Variants in TULP4 observed in about 807,000 individuals in gnomAD.
TULP4 encodes the protein TUB like protein 4, also known as tubby-related protein 4.
A neutral mutation model predicts 129.0 loss-of-function variants in TULP4; 16 were observed. The observed-to-expected ratio is 0.12, with a 90% confidence interval of 0.08 to 0.19. TULP4 has a LOEUF of 0.19. Among genes scored for constraint, TULP4 ranks in the 10% least tolerant of loss-of-function variants. The pLI is 1.00. For missense variants in TULP4, 1,842 were observed against 2,059.1 expected, an observed-to-expected ratio of 0.89 and a Z score of 2.04; for synonymous variants, 998 against 854.0, an observed-to-expected ratio of 1.17 and a Z score of -2.94.
chr6:158,264,426 AGGT>A (rs1433323216), intron 1 of TULP4, among the ~76,000 whole-genome samples: 3 of 152,228 alleles, frequency 2.0e-5, no homozygotes, highest in African/African-American at 7.2e-5. Context: ...TCAGTCATAA[AGGT>A]GTTTTACCCA....
chr6:158,408,208 G>C (rs73023823), intron 1 of TULP4, among the ~76,000 whole-genome samples: 1 of 152,172 alleles, frequency 6.6e-6, no homozygotes, highest in Admixed American at 6.5e-5. Context: ...GAGCAAGCGG[G>C]AGTGCTTGGA....
intron 1 of TULP4, among the ~76,000 whole-genome samples, chr6:158,336,007 A>G (rs1472286440): frequency 1.3e-5 from 2 of 152,224 alleles, no homozygotes; most frequent in Non-Finnish European, 2.9e-5. Context: ...TTTCTTAGAT[A>G]TTGCCAAACT....
chr6:158,405,674 G>A (rs1182516236), intron 1 of TULP4, among the ~76,000 whole-genome samples: 1 of 152,082 alleles, frequency 6.6e-6, no homozygotes, highest in Non-Finnish European at 1.5e-5. Flanking sequence ...AAGCCACAAG[G>A]GGTTTTTATG....
chr6:158,373,522 A>C (rs1777117028), intron 1 of TULP4, among the ~76,000 whole-genome samples: 1 of 152,202 alleles, frequency 6.6e-6, no homozygotes, highest in Non-Finnish European at 1.5e-5. Context: ...ACCAGAATTG[A>C]AAAACAATTT....
At chr6:158,440,399 C>T (rs569836909) in intron 3 of TULP4, among the ~76,000 whole-genome samples, 2 of 150,924 alleles carry the variant, frequency 1.3e-5, no homozygotes, top group African/African-American at 4.9e-5. Flanking sequence ...GAAACCCTTA[C>T]TGGTGACTGG....
intron 3 of TULP4, among the ~76,000 whole-genome samples, chr6:158,443,480 G>C (rs1427432451): frequency 6.6e-6 from 1 of 152,098 alleles, no homozygotes; most frequent in Non-Finnish European, 1.5e-5. Flanking sequence ...ATTGATATAT[G>C]GGTATGTCTT....
At chr6:158,450,318 C>T (rs1216405303) in intron 4 of TULP4, among the ~76,000 whole-genome samples, 4 of 152,222 alleles carry the variant, frequency 2.6e-5, no homozygotes, top group African/African-American at 4.8e-5. Context: ...CTGTGAAGGG[C>T]TGTTCCGGGG....
At position 158,501,576 on chromosome 6, in the gene TULP4, G is replaced by T. The variant is rs569783435; in HGVS notation, c.2015-102G>T. On this transcript the variant is annotated intron_variant, in intron 12 of 13. Coordinates refer to ENST00000367097, the MANE Select transcript of TULP4 (RefSeq NM_020245.5). ...CTCTGTCTCTGGCAATTTGCATTTT[G>T]TTTACAGAAGGAGACTGGATGAGTC... 213 of 1,216,832 alleles carry T rather than the reference G, an allele frequency of 1.8e-4. No homozygotes were observed. In the African/African-American group the frequency reaches 3.0e-3, roughly 17 times the overall value. The allele number at this position is 1,216,832 out of a possible 1,614,324, so 75.4% of individuals were successfully genotyped here.
At chr6:158,326,576 G>A (rs769016104) in intron 1 of TULP4, among the ~76,000 whole-genome samples, 6 of 152,142 alleles carry the variant, frequency 3.9e-5, no homozygotes, top group African/African-American at 9.7e-5. Flanking sequence ...GTATTTGTAA[G>A]TCATAAAGTA....
chr6:158,491,427 T>TTTGAGGAGTC (rs1562589116), intron 9 of TULP4, among the ~76,000 whole-genome samples: 2 of 25,992 alleles, frequency 7.7e-5, no homozygotes, highest in East Asian at 1.4e-3. Flanking sequence ...CTTTCTTTCT[T>TTTGAGGAGTC]TCTTTCTTTC....
chr6:158,331,722 C>CGTAT (rs1562523116), intron 1 of TULP4, among the ~76,000 whole-genome samples: 1,674 of 36,406 alleles, frequency 0.046, 390 homozygotes, highest in Middle Eastern at 0.17. Flanking sequence ...CACACACACA[C>CGTAT]ACACACATAC....
chr6:158,319,042 A>G (rs1779562474), intron 1 of TULP4, among the ~76,000 whole-genome samples: 1 of 151,874 alleles, frequency 6.6e-6, no homozygotes, highest in Non-Finnish European at 1.5e-5. Context: ...CACTGTGCCC[A>G]GCTCACGATT....
At chr6:158,387,467 A>G (rs1777475461) in intron 1 of TULP4, among the ~76,000 whole-genome samples, 1 of 152,226 alleles carries the variant, frequency 6.6e-6, no homozygotes, top group African/African-American at 2.4e-5. Flanking sequence ...AATAATGCAT[A>G]AACACCTTAT....
At position 158,385,842 on chromosome 6, in the gene TULP4, C is replaced by CTTTTTTTTTTTTTTTTTTTTTTTTTTTTT. The variant is rs778595442; in HGVS notation, c.253-27203_253-27202insTTTTTTTTTTTTTTTTTTTTTTTTTTTTT. 2.5e-4 allele frequency among the ~76,000 whole-genome samples: 15 copies of CTTTTTTTTTTTTTTTTTTTTTTTTTTTTT among 59,586 alleles called. 4 individuals carry two copies. Among genetic ancestry groups the CTTTTTTTTTTTTTTTTTTTTTTTTTTTTT allele is most frequent in the Non-Finnish European group, 3.3e-4 (11 of 32,836 alleles). 39.1% of individuals were successfully genotyped at this position (59,586 alleles called of 152,430 possible). A position where few individuals can be genotyped will look rare whatever the true frequency, so the allele number is the denominator to read the frequency against. The stretch of plus-strand genomic sequence containing the variant: ...GGAAAAGTCTACAAATGTGGAATAT[C>CTTTTTTTTTTTTTTTTTTTTTTTTTTTTT]TTTTTTTTTTTTTTTTTTTTGAGAA... On this transcript the variant is annotated intron_variant, in intron 1 of 13. Transcript: ENST00000367097.
At chr6:158,334,171 C>T (rs531517121) in intron 1 of TULP4, among the ~76,000 whole-genome samples, 1 of 152,274 alleles carries the variant, frequency 6.6e-6, no homozygotes, top group South Asian at 2.1e-4. Flanking sequence ...GAATAACCAC[C>T]ATGAGATCCA....
At position 158,246,023 on chromosome 6, in the gene TULP4, GGTGTGT is replaced by G. The variant is rs66690741; in HGVS notation, n.68+13755_68+13760del. On this transcript the variant is annotated intron_variant and non_coding_transcript_variant, in intron 1 of 1. Coordinates refer to the TULP4 transcript ENST00000620026. ...GTGAGTAATTTGCCTACCCCTTAGG[GGTGTGT>G]GTGTGTGTGTGTGTGTGTGTGTGTG... 6.7e-3 allele frequency among the ~76,000 whole-genome samples: 978 copies of G among 145,904 alleles called. 5 individuals are homozygous for G. The highest frequency in any genetic ancestry group is 8.7e-3 in the Non-Finnish European group (579 of 66,418).
intron 1 of TULP4, among the ~76,000 whole-genome samples, chr6:158,368,578 T>C (rs1776997681): frequency 6.6e-6 from 1 of 152,236 alleles, no homozygotes; most frequent in African/African-American, 2.4e-5. Flanking sequence ...GTTAACTCAG[T>C]TGGTTAAACC....
chr6:158,239,702 A>G (rs1777816814), intron 1 of TULP4, among the ~76,000 whole-genome samples: 1 of 58,844 alleles, frequency 1.7e-5, no homozygotes, highest in South Asian at 7.1e-4. Flanking sequence ...CTCACTTCCC[A>G]GTAGGGGCGG....
chr6:158,460,705 A>G (rs1779403047), intron 5 of TULP4, among the ~76,000 whole-genome samples: 1 of 152,204 alleles, frequency 6.6e-6, no homozygotes, highest in African/African-American at 2.4e-5. Context: ...CAGCATTCTC[A>G]TATGCATGTG....
Sources: gnomAD v4.1 joint callset for allele counts (sites outside exome capture counted in the v4.1 genomes callset) on GRCh38, gnomAD v4.1.1 for gene constraint, MANE v1.5 for transcripts, NCBI Gene and HGNC (gene_info 2026-07-23, HGNC 2026-07-21) for gene names.